Variants in GSE1 observed in about 807,000 individuals in gnomAD.
GSE1 encodes Gse1 coiled-coil protein.
In GSE1, 32 loss-of-function variants were observed where a neutral mutation model predicts 112.6. The observed-to-expected ratio is 0.28, with a 90% CI of 0.21 to 0.38. The LOEUF (loss-of-function observed/expected upper bound fraction) is 0.38, where lower values mean the gene tolerates loss of function less well. Ranked by LOEUF, GSE1 falls within the 10% of genes least tolerant of loss-of-function variation. The pLI is 1.00. For synonymous variants in GSE1, 1,115 were observed against 735.6 expected (o/e 1.52, Z -8.35); for missense variants, 2,348 against 1,699.2 (o/e 1.38, Z -6.71).
chr16:85,224,324 A>AAAAAAAAAAG (rs2075445457), intron 1 of GSE1, among the ~76,000 whole-genome samples: 2 of 144,296 alleles, frequency 1.4e-5, no homozygotes, highest in Non-Finnish European at 3.0e-5. Flanking sequence ...AAAAAAAAAA[A>AAAAAAAAAAG]AAAAAAAGGG....
intron 1 of GSE1, among the ~76,000 whole-genome samples, chr16:85,182,520 A>AT (rs1230834106): frequency 3.3e-5 from 5 of 152,024 alleles, no homozygotes; most frequent in Non-Finnish European, 7.4e-5. Flanking sequence ...TTTCTTCCTG[A>AT]TTCGTAAGTG....
chr16:85,364,072 C>T (rs182703288), intron 2 of GSE1, among the ~76,000 whole-genome samples: 3 of 152,354 alleles, frequency 2.0e-5, no homozygotes, highest in Non-Finnish European at 4.4e-5. Flanking sequence ...AGAAGTCTGA[C>T]GTTAGTCTCA....
At chr16:85,664,972 A>G in intron 11 of GSE1, 43 bp from the exon 12 acceptor site, 1 of 1,276,966 alleles carries the variant, frequency 7.8e-7, no homozygotes, top group Non-Finnish European at 1.1e-6. Flanking sequence ...TCTCCAAAAA[A>G]TGATGCAACT....
At chr16:85,301,905 G>A (rs537528426) in intron 1 of GSE1, among the ~76,000 whole-genome samples, 1 of 152,350 alleles carries the variant, frequency 6.6e-6, no homozygotes, top group African/African-American at 2.4e-5. Context: ...TGATAGTCAA[G>A]CCTTGTCTGG....
At chr16:85,352,170 C>G (rs1471167365) in intron 1 of GSE1, among the ~76,000 whole-genome samples, 2 of 151,764 alleles carry the variant, frequency 1.3e-5, no homozygotes, top group African/African-American at 4.9e-5. Context: ...ACACCCTCCT[C>G]CCCTGAGTCT....
intron 2 of GSE1, among the ~76,000 whole-genome samples, chr16:85,643,794 C>G (rs186824399): frequency 6.6e-6 from 1 of 152,182 alleles, no homozygotes; most frequent in African/African-American, 2.4e-5. Flanking sequence ...GTCCGGTCCC[C>G]AGGGAGGACC....
chr16:85,464,040 G>T (rs886502895), intron 2 of GSE1, among the ~76,000 whole-genome samples: 12 of 152,254 alleles, frequency 7.9e-5, no homozygotes, highest in African/African-American at 2.6e-4. Flanking sequence ...TTACCTGCGG[G>T]CCTTTTCTTC....
chr16:85,580,568 C>G lies in GSE1; in HGVS notation c.37+24205C>G, dbSNP rs76476709. The stretch of plus-strand genomic sequence containing the variant: ...GCGATGCCCAGGGACACCGCAGCCT[C>G]CTGTTGGGTCACAAGGCCTGGCTGT... On this transcript the variant is annotated intron_variant, in intron 1 of 2. Transcript: ENST00000635906. Among the ~76,000 whole-genome samples, 259 of 152,364 alleles carry G rather than the reference C, an allele frequency of 1.7e-3. 2 individuals are homozygous for G. The highest frequency in any genetic ancestry group is 5.7e-3 in the African/African-American group (239 of 41,590).
At chr16:85,187,270 C>T (rs1380857461) in intron 1 of GSE1, among the ~76,000 whole-genome samples, 1 of 152,198 alleles carries the variant, frequency 6.6e-6, no homozygotes, top group Non-Finnish European at 1.5e-5. Context: ...TGGAATGCAG[C>T]GTCAGCAGCA....
chr16:85,358,193 C>T (rs1196037545), intron 2 of GSE1, among the ~76,000 whole-genome samples: 3 of 152,202 alleles, frequency 2.0e-5, no homozygotes, highest in African/African-American at 7.2e-5. Flanking sequence ...AGGGCTTCTG[C>T]ATGGTGCTTC....
chr16:85,607,381 C>T (rs1414169202), upstream of GSE1, among the ~76,000 whole-genome samples: 4 of 152,222 alleles, frequency 2.6e-5, no homozygotes, highest in Non-Finnish European at 5.9e-5. Flanking sequence ...TTTCCAGCCG[C>T]GGTGGCGGCG....
At chr16:85,515,520 A>G (rs1277990860) in intron 2 of GSE1, among the ~76,000 whole-genome samples, 1 of 152,074 alleles carries the variant, frequency 6.6e-6, no homozygotes, top group East Asian at 1.9e-4. Flanking sequence ...AGGAGCTCAG[A>G]AAGAAGGGCC....
chr16:85,208,928 C>T (rs369112684), intron 1 of GSE1, among the ~76,000 whole-genome samples: 3 of 129,164 alleles, frequency 2.3e-5, no homozygotes, highest in Non-Finnish European at 3.2e-5. Flanking sequence ...TGTCGGGGTT[C>T]GCCTGTGTTG....
intron 1 of GSE1, among the ~76,000 whole-genome samples, chr16:85,633,473 G>C (rs2049718729): frequency 6.6e-6 from 1 of 152,218 alleles, no homozygotes; most frequent in South Asian, 2.1e-4. Flanking sequence ...AGTTGTCTTG[G>C]TTCCCGTCGT....
chr16:85,377,832 G>T (rs2047453695), intron 2 of GSE1, among the ~76,000 whole-genome samples: 1 of 152,252 alleles, frequency 6.6e-6, no homozygotes, highest in African/African-American at 2.4e-5. Flanking sequence ...ATCCACATGT[G>T]CAGGAGCTGG....
chr16:85,587,173 C>CG (rs1051749694), intron 1 of GSE1, among the ~76,000 whole-genome samples: 45 of 150,156 alleles, frequency 3.0e-4, no homozygotes, highest in African/African-American at 1.1e-3. Flanking sequence ...ACGAAACCCC[C>CG]CCCCCCCCAG....
rs770906608 is a variant in GSE1, at chr16:85,656,490, G to A, written c.1137G>A (p.Lys379=). The A allele has an allele frequency of 1.3e-6, 2 of 1,542,220 alleles. No homozygotes were observed. The highest frequency in any genetic ancestry group is 8.8e-7 in the Non-Finnish European group (1 of 1,140,400). ...REQEKERERE[K]ERERELERQR... ...AAGAGAAGGAGCGTGAGCGTGAGAA[G>A]GAGCGCGAGCGCGAGCTGGAGCGCC... Residue 379 remains lysine, a synonymous_variant, in exon 7 of 16, where the codon AAG becomes AAA. Coordinates refer to ENST00000253458, the MANE Select transcript of GSE1 (RefSeq NM_014615.5).
chr16:85,569,259 A>G (rs1037910180), intron 1 of GSE1, among the ~76,000 whole-genome samples: 25 of 152,008 alleles, frequency 1.6e-4, no homozygotes, highest in Non-Finnish European at 3.4e-4. Flanking sequence ...GTCAGTGCTC[A>G]CTCCTGTTAG....
chr16:85,424,732 C>T (rs1243863505), intron 2 of GSE1, among the ~76,000 whole-genome samples: 1 of 152,258 alleles, frequency 6.6e-6, no homozygotes, highest in East Asian at 1.9e-4. Context: ...CGCGAGGGCT[C>T]CTCACGCCCC....
Sources: allele counts gnomAD v4.1 joint callset (sites outside exome capture counted in the v4.1 genomes callset), GRCh38; gene constraint gnomAD v4.1.1; transcripts MANE v1.5; gene names NCBI Gene and HGNC (gene_info 2026-07-23, HGNC 2026-07-21).